FHIP1A: variants seen among roughly 807,000 people sequenced by gnomAD.
FHIP1A encodes FHF complex subunit HOOK interacting protein 1A.
In FHIP1A, 61 loss-of-function variants were observed where a neutral mutation model predicts 88.6. The ratio of observed to expected loss-of-function variants is 0.69; its 90% CI spans 0.56 to 0.85. The LOEUF (loss-of-function observed/expected upper bound fraction) is 0.85. FHIP1A is among the 40% of genes least tolerant of loss of function. The probability of loss-of-function intolerance (pLI) is 0.00; values close to 1 mark genes in which losing one functional copy is unlikely to be tolerated. For missense variants in FHIP1A, 1,154 were observed against 1,273.5 expected, an observed-to-expected ratio of 0.91 and a Z score of 1.43; for synonymous variants, 478 against 496.0, an observed-to-expected ratio of 0.96 and a Z score of 0.48.
At chr4:151,507,996 T>C (rs1730895244) in intron 3 of FHIP1A, among the ~76,000 whole-genome samples, 1 of 152,276 alleles carries the variant, frequency 6.6e-6, no homozygotes, top group Non-Finnish European at 1.5e-5. Context: ...AGATAGAATA[T>C]AGAATGAAAA....
rs1280010713 is a variant in FHIP1A, at chr4:151,656,024, C to A, written c.2552-208C>A. 6.6e-6 allele frequency among the ~76,000 whole-genome samples: 1 copy of A among 151,772 alleles called. No homozygotes were observed. The highest frequency in any genetic ancestry group is 1.5e-5 in the Non-Finnish European group (1 of 67,972). ...TGGAGTGAAAATGTCAGTAGCCATG[C>A]CTATTTTTCTGTTTTCTTTTTGCCA... On this transcript the variant is annotated intron_variant, in intron 11 of 13. Coordinates refer to ENST00000435205, the MANE Select transcript of FHIP1A (RefSeq NM_001109977.3). This position sits in a 1 kb window ranked among gnomAD's most constrained non-coding sequence, Gnocchi z 4.2.
chr4:151,452,602 T>C (rs1368117021), intron 1 of FHIP1A, among the ~76,000 whole-genome samples: 3 of 152,022 alleles, frequency 2.0e-5, no homozygotes, highest in Non-Finnish European at 2.9e-5. Context: ...TATCTGTCTA[T>C]ATATGTATAT....
intron 3 of FHIP1A, among the ~76,000 whole-genome samples, chr4:151,526,672 C>T (rs553786304): frequency 1.5e-4 from 22 of 151,590 alleles, no homozygotes; most frequent in African/African-American, 5.1e-4. Flanking sequence ...CTGACCCCCC[C>T]TCCTCCCTCC....
At chr4:151,527,155 T>C (rs970398003) in intron 3 of FHIP1A, among the ~76,000 whole-genome samples, 2 of 152,100 alleles carry the variant, frequency 1.3e-5, no homozygotes, top group African/African-American at 2.4e-5. Flanking sequence ...CTCGGCACCC[T>C]GGGAGGCCAA....
chr4:151,470,434 T>G (rs1729468106), intron 2 of FHIP1A, among the ~76,000 whole-genome samples: 1 of 152,216 alleles, frequency 6.6e-6, no homozygotes, highest in African/African-American at 2.4e-5. Context: ...ATTCCTCTTT[T>G]ACTTCAGTGG....
At chr4:151,609,114 T>C (rs1735195347) in intron 7 of FHIP1A, among the ~76,000 whole-genome samples, 1 of 152,170 alleles carries the variant, frequency 6.6e-6, no homozygotes, top group Admixed American at 6.5e-5. Flanking sequence ...TAAAACTTTT[T>C]TCGAATGGAA....
intron 2 of FHIP1A, among the ~76,000 whole-genome samples, chr4:151,479,842 C>A (rs1372231223): frequency 6.6e-6 from 1 of 152,064 alleles, no homozygotes; most frequent in Non-Finnish European, 1.5e-5. Flanking sequence ...GGTCTAAATT[C>A]ACTGAATTTA....
rs1419351618 is a variant in FHIP1A at position 151,586,824 on chromosome 4, C to T, written c.891+25C>T. The T allele has an allele frequency of 1.8e-5, 27 of 1,506,984 alleles. No homozygotes were observed. In the East Asian group the frequency reaches 6.5e-4, roughly 36 times the overall value. The allele number at this position is 1,506,984 out of a possible 1,614,324, so 93.4% of individuals were successfully genotyped here. A position where few individuals can be genotyped will look rare whatever the true frequency, so the allele number is the denominator to read the frequency against. On this transcript the variant is annotated intron_variant, in intron 6 of 13. Transcript: ENST00000435205. ...GGTACCAGAGCACAATAAAGGATCCCTTTGCTATGGCTTCATTCAGAGCAC... is the reference window on the plus strand; with the variant it reads ...GGTACCAGAGCACAATAAAGGATCCTTTTGCTATGGCTTCATTCAGAGCAC...
chr4:151,437,555 G>T lies in FHIP1A; in HGVS notation c.-355-17146G>T, dbSNP rs185549818. Among the ~76,000 whole-genome samples the T allele has an allele frequency of 6.0e-4, 92 of 152,228 alleles. 1 individual carries two copies. Among genetic ancestry groups the T allele is most frequent in the African/African-American group, 2.1e-3 (87 of 41,546 alleles). ...CATGAGGGTTTCGAAGTTGCTTTGA[G>T]GTCTGCACATATAAATAGTATAGAC... On this transcript the variant is annotated intron_variant, in intron 1 of 13. Coordinates refer to ENST00000435205, the MANE Select transcript of FHIP1A (RefSeq NM_001109977.3).
intron 3 of FHIP1A, among the ~76,000 whole-genome samples, chr4:151,515,203 C>T (rs1178382802): frequency 6.6e-6 from 1 of 151,674 alleles, no homozygotes; most frequent in Admixed American, 6.6e-5. Context: ...AAGACAAAAA[C>T]CACATGATTA....
At chr4:151,612,297 A>G (rs1328390718) in intron 7 of FHIP1A, among the ~76,000 whole-genome samples, 3 of 152,380 alleles carry the variant, frequency 2.0e-5, no homozygotes, top group African/African-American at 4.8e-5. Flanking sequence ...ATTGCAAAGT[A>G]GAAAGATTTC....
intron 1 of FHIP1A, among the ~76,000 whole-genome samples, chr4:151,418,685 T>C (rs1048409708): frequency 6.6e-6 from 1 of 152,222 alleles, no homozygotes; most frequent in African/African-American, 2.4e-5. Context: ...CCCTCATTGC[T>C]GACCTTTGGA....
At chr4:151,525,287 G>A (rs1475578381) in intron 3 of FHIP1A, among the ~76,000 whole-genome samples, 5 of 152,170 alleles carry the variant, frequency 3.3e-5, no homozygotes, top group Admixed American at 3.3e-4. Flanking sequence ...ACTCCACATG[G>A]CTAAACCAGG....
intron 3 of FHIP1A, among the ~76,000 whole-genome samples, chr4:151,548,130 T>G (rs1732578693): frequency 6.6e-6 from 1 of 152,108 alleles, no homozygotes; most frequent in Non-Finnish European, 1.5e-5. Context: ...GACTAACCAC[T>G]CAATGCCTTT....
chr4:151,587,432 A>C (rs1734260848), intron 6 of FHIP1A, among the ~76,000 whole-genome samples: 1 of 152,114 alleles, frequency 6.6e-6, no homozygotes, highest in Admixed American at 6.5e-5. Context: ...TTTCATAAAA[A>C]ATATTTTAGT....
intron 7 of FHIP1A, among the ~76,000 whole-genome samples, chr4:151,593,298 A>G (rs1433290553): frequency 6.6e-6 from 1 of 152,228 alleles, no homozygotes; most frequent in Non-Finnish European, 1.5e-5. Context: ...AATTCTGTGA[A>G]GAAAGTCAAT....
intron 7 of FHIP1A, among the ~76,000 whole-genome samples, chr4:151,601,226 T>G (rs1279048031): frequency 6.6e-6 from 1 of 151,960 alleles, no homozygotes; most frequent in African/African-American, 2.4e-5. Flanking sequence ...GGAACCCCAT[T>G]GGGTGAACCC....
At chr4:151,455,160 T>C (rs1728924173) in intron 2 of FHIP1A, among the ~76,000 whole-genome samples, 1 of 152,188 alleles carries the variant, frequency 6.6e-6, no homozygotes, top group South Asian at 2.1e-4. Flanking sequence ...GTAAAATTAA[T>C]TTTACACACA....
intron 7 of FHIP1A, among the ~76,000 whole-genome samples, chr4:151,591,597 TC>T (rs992867605): frequency 2.0e-5 from 3 of 152,178 alleles, no homozygotes; most frequent in African/African-American, 7.2e-5. Context: ...ATGCTATCCC[TC>T]CCCTGGCCCC....
Sources: allele counts gnomAD v4.1 joint callset (sites outside exome capture counted in the v4.1 genomes callset), GRCh38; gene constraint gnomAD v4.1.1; non-coding constraint Gnocchi (gnomAD v3.1); transcripts MANE v1.5; gene names NCBI Gene and HGNC (gene_info 2026-07-23, HGNC 2026-07-21).